The following PPTC7 variants were observed in gnomAD, a reference collection of about 807,000 sequenced individuals.
The protein encoded by PPTC7 is protein phosphatase PTC7 homolog.
In PPTC7, 6 loss-of-function variants were observed where a neutral mutation model predicts 30.8. That is an observed-to-expected ratio of 0.19 (90% CI 0.11 to 0.38). The LOEUF (loss-of-function observed/expected upper bound fraction) is 0.38, where lower values mean the gene tolerates loss of function less well. Ranked by LOEUF, PPTC7 falls within the 10% of genes least tolerant of loss-of-function variation. The pLI is 1.00. For synonymous variants in PPTC7, 163 were observed against 168.1 expected, an observed-to-expected ratio of 0.97 and a Z score of 0.23; for missense variants, 218 against 404.8, an observed-to-expected ratio of 0.54 and a Z score of 3.96.
chr12:110,562,236 G>A (rs568822918), intron 1 of PPTC7, among the ~76,000 whole-genome samples: 47 of 121,426 alleles, frequency 3.9e-4, no homozygotes, highest in Non-Finnish European at 6.7e-4. Context: ...ACAGGGAGCT[G>A]AGATCGCACC....
intron 1 of PPTC7, among the ~76,000 whole-genome samples, chr12:110,579,342 AT>A (rs1202141774): frequency 6.6e-6 from 1 of 152,106 alleles, no homozygotes; most frequent in Non-Finnish European, 1.5e-5. Context: ...CACTGCCCCT[AT>A]CCCCCACCAT....
Position 110,574,027 on chromosome 12 carries a change from G to A in PPTC7, c.223+8782C>T, listed in dbSNP as rs985003044. Among the ~76,000 whole-genome samples the A allele has an allele frequency of 4.6e-5, 7 of 151,284 alleles. No homozygotes were observed. The South Asian group carries it at 1.5e-3, about 32-fold the overall frequency. On this transcript the variant is annotated intron_variant, in intron 1 of 5. Coordinates refer to ENST00000354300, the MANE Select transcript of PPTC7 (RefSeq NM_139283.2). Reference sequence around the variant, plus strand: ...TAAAGGCACTACACAGGCTGGGCACGTGGTTCATGCCTTAAATCCCAGTAC... The same window carrying A: ...TAAAGGCACTACACAGGCTGGGCACATGGTTCATGCCTTAAATCCCAGTAC...
chr12:110,582,334 G>A (rs936773266), intron 1 of PPTC7, among the ~76,000 whole-genome samples: 3 of 151,956 alleles, frequency 2.0e-5, no homozygotes, highest in Non-Finnish European at 2.9e-5. Context: ...CGGGCTGTCT[G>A]GGGGCTCACG....
chr12:110,550,992 T>C lies in PPTC7; in HGVS notation c.403+797A>G, dbSNP rs565235733. Among the ~76,000 whole-genome samples the C allele has an allele frequency of 3.3e-5, 5 of 152,360 alleles. No individual in the cohort carries two copies. In the South Asian group the frequency reaches 8.3e-4, roughly 25 times the overall value. On this transcript the variant is annotated intron_variant, in intron 2 of 5. Coordinates refer to ENST00000354300, the MANE Select transcript of PPTC7 (RefSeq NM_139283.2). ...TTTATGTTTCTAAACTTGAAATATA[T>C]GGAATCAGACTGTCAGGTGGAATTC...
chr12:110,563,598 A>C (rs2064456571), intron 1 of PPTC7, among the ~76,000 whole-genome samples: 1 of 151,958 alleles, frequency 6.6e-6, no homozygotes, highest in Non-Finnish European at 1.5e-5. Flanking sequence ...CTGGGCAACA[A>C]GAGCGAAAAT....
intron 1 of PPTC7, among the ~76,000 whole-genome samples, chr12:110,557,270 C>T (rs1244282177): frequency 3.3e-5 from 5 of 152,064 alleles, no homozygotes; most frequent in African/African-American, 9.7e-5. Flanking sequence ...ACTAAAATGA[C>T]TTAGTAGTAG....
At chr12:110,568,253 G>GTTTT (rs1195913504) in intron 1 of PPTC7, among the ~76,000 whole-genome samples, 1 of 132,040 alleles carries the variant, frequency 7.6e-6, no homozygotes, top group Non-Finnish European at 1.6e-5. Flanking sequence ...AATCTCATGC[G>GTTTT]TTTTTTTTTT....
chr12:110,570,853 G>A (rs1014412002), intron 1 of PPTC7, among the ~76,000 whole-genome samples: 1 of 151,762 alleles, frequency 6.6e-6, no homozygotes, highest in Non-Finnish European at 1.5e-5. Context: ...GGAACTCAGA[G>A]GCTGGCGGGA....
intron 1 of PPTC7, among the ~76,000 whole-genome samples, chr12:110,553,204 G>T (rs981207028): frequency 2.0e-5 from 3 of 150,442 alleles, no homozygotes; most frequent in African/African-American, 7.3e-5. Flanking sequence ...GGCTGGAGCA[G>T]TGGCGTGATC....
intron 2 of PPTC7, among the ~76,000 whole-genome samples, chr12:110,548,280 G>A (rs894383687): frequency 6.6e-6 from 1 of 152,006 alleles, no homozygotes; most frequent in African/African-American, 2.4e-5. Flanking sequence ...TGTTTTAGTG[G>A]GATCATGGGT....
intron 3 of PPTC7, among the ~76,000 whole-genome samples, chr12:110,541,559 G>A (rs144945085): frequency 2.4e-3 from 361 of 151,908 alleles, no homozygotes; most frequent in African/African-American, 8.2e-3. Flanking sequence ...AATTAGCTGG[G>A]CGTGGTGGCA....
At chr12:110,542,888 C>T (rs2064273156) in intron 3 of PPTC7, among the ~76,000 whole-genome samples, 2 of 151,934 alleles carry the variant, frequency 1.3e-5, no homozygotes, top group South Asian at 2.1e-4. Flanking sequence ...GGGAAAACCC[C>T]GGGTGGGGAG....
At chr12:110,568,803 G>T (rs1048888657) in intron 1 of PPTC7, among the ~76,000 whole-genome samples, 2 of 152,150 alleles carry the variant, frequency 1.3e-5, no homozygotes, top group African/African-American at 4.8e-5. Context: ...GTTTCACAAG[G>T]TGTCATTCCC....
intron 1 of PPTC7, among the ~76,000 whole-genome samples, chr12:110,567,574 T>G (rs148467329): frequency 3.9e-5 from 6 of 152,252 alleles, no homozygotes; most frequent in Non-Finnish European, 7.4e-5. Flanking sequence ...TCTGACCAAT[T>G]ATCACCAAGC....
chr12:110,548,070 G>A (rs903446135), intron 2 of PPTC7, among the ~76,000 whole-genome samples: 1 of 150,852 alleles, frequency 6.6e-6, no homozygotes, highest in African/African-American at 2.4e-5. Context: ...TTGCACCACT[G>A]CACTCTAGCA....
chr12:110,547,981 C>CCTGTAAGTAG (rs990134282), intron 2 of PPTC7, among the ~76,000 whole-genome samples: 1 of 152,084 alleles, frequency 6.6e-6, no homozygotes, highest in African/African-American at 2.4e-5. Context: ...GTGGTGCACA[C>CCTGTAAGTAG]CTGTAATCCC....
At chr12:110,563,446 A>G (rs1044174028) in intron 1 of PPTC7, among the ~76,000 whole-genome samples, 20 of 151,920 alleles carry the variant, frequency 1.3e-4, no homozygotes, top group Non-Finnish European at 2.5e-4. Context: ...GTGAAACCCC[A>G]TTTCTATTAA....
chr12:110,569,040 C>T (rs551669592), intron 1 of PPTC7, among the ~76,000 whole-genome samples: 2 of 147,310 alleles, frequency 1.4e-5, no homozygotes, highest in East Asian at 2.0e-4. Context: ...CCGCCCCCCC[C>T]CCTCAAAAAA....
intron 1 of PPTC7, among the ~76,000 whole-genome samples, chr12:110,582,056 T>C (rs921556760): frequency 2.6e-4 from 40 of 151,976 alleles, no homozygotes; most frequent in Non-Finnish European, 8.8e-5. Flanking sequence ...CCCCAAAAGG[T>C]ATAACTGGAA....
Sources: gnomAD v4.1 joint callset for allele counts (sites outside exome capture counted in the v4.1 genomes callset) on GRCh38, gnomAD v4.1.1 for gene constraint, MANE v1.5 for transcripts, NCBI Gene and HGNC (gene_info 2026-07-23, HGNC 2026-07-21) for gene names.